CHD7: variants seen among roughly 807,000 people sequenced by gnomAD.
CHD7 encodes chromodomain helicase DNA binding protein 7, also known as ATP-dependent chromatin remodeler CHD7.
In CHD7, 24 loss-of-function variants were observed where a neutral mutation model predicts 307.3. That is an observed-to-expected ratio of 0.08 (90% CI 0.06 to 0.11). The LOEUF (loss-of-function observed/expected upper bound fraction) is 0.11. Ranked by LOEUF, CHD7 falls within the 10% of genes least tolerant of loss-of-function variation. CHD7 has a pLI of 1.00. For missense variants in CHD7, 3,106 were observed against 3,727.1 expected (o/e 0.83, Z 4.34); for synonymous variants, 1,363 against 1,349.9 (o/e 1.01, Z -0.21).
chr8:60,769,459 T>TTGAAG (rs1810613189), intron 2 of CHD7, among the ~76,000 whole-genome samples: 1 of 152,210 alleles, frequency 6.6e-6, no homozygotes, highest in Non-Finnish European at 1.5e-5. Flanking sequence ...TGTGTGCCTA[T>TTGAAG]TGAAGATACG....
chr8:60,793,548 C>T (rs114764537), intron 3 of CHD7, among the ~76,000 whole-genome samples: 1 of 152,112 alleles, frequency 6.6e-6, no homozygotes, highest in East Asian at 1.9e-4. Flanking sequence ...AAATATTTTA[C>T]ATGACATATG....
In CHD7 at chr8:60,837,764, G is replaced by T. The variant is rs774794325; in HGVS notation, c.4282G>T (p.Ala1428Ser). Residue 1428 changes from alanine to serine, a missense_variant, in exon 18 of 38, where the codon GCT (alanine) becomes TCT (serine). Ala to Ser is a moderately conservative substitution (Grantham distance 99, BLOSUM62 1). This residue lies in a region of CHD7 where 93 missense variants were observed against 176.4 expected (regional missense o/e 0.53). Transcript: ENST00000423902. ...CTATGAAAGGGAAATGTTCGACAAG[G>T]CTAGTTTGAAACTGGGCCTGGATAA... ...NSYEREMFDK[A>S]SLKLGLDKAV... is the part of the protein sequence containing the mutation. 6.2e-7 allele frequency: 1 copy of T among 1,613,574 alleles called. No individual in the cohort carries two copies. The highest frequency in any genetic ancestry group is 8.5e-7 in the Non-Finnish European group (1 of 1,179,702).
At chr8:60,823,406 G>T (rs910254298) in intron 12 of CHD7, among the ~76,000 whole-genome samples, 1 of 142,928 alleles carries the variant, frequency 7.0e-6, no homozygotes, top group African/African-American at 2.8e-5. Flanking sequence ...TAGATAGATA[G>T]ATAGATAGAT....
intron 1 of CHD7, among the ~76,000 whole-genome samples, chr8:60,695,999 C>G (rs572993408): frequency 6.6e-6 from 1 of 152,222 alleles, no homozygotes; most frequent in Admixed American, 6.5e-5. Context: ...AAAATCCAGT[C>G]AACTGTTATA....
At chr8:60,822,346 G>A (rs1201708178) in intron 11 of CHD7, among the ~76,000 whole-genome samples, 157 bp from the exon 12 acceptor site, 1 of 151,998 alleles carries the variant, frequency 6.6e-6, no homozygotes, top group African/African-American at 2.4e-5. Flanking sequence ...TTTATTCTTT[G>A]AGAATTTTGT....
chr8:60,684,556 C>T (rs1359165184), intron 1 of CHD7, among the ~76,000 whole-genome samples: 18 of 152,002 alleles, frequency 1.2e-4, no homozygotes, highest in Admixed American at 1.2e-3. Context: ...GGGTATTACC[C>T]CTTAGGAAGT....
intron 6 of CHD7, among the ~76,000 whole-genome samples, chr8:60,803,979 T>G (rs960027312): frequency 1.3e-5 from 2 of 152,154 alleles, no homozygotes; most frequent in Non-Finnish European, 2.9e-5. Flanking sequence ...CCCTGCATGG[T>G]GTTGACCCAG....
chr8:60,696,971 C>G (rs1806512558), intron 1 of CHD7, among the ~76,000 whole-genome samples: 1 of 151,254 alleles, frequency 6.6e-6, no homozygotes, highest in South Asian at 2.1e-4. Context: ...TTCCTGAAAT[C>G]AAGGAACATA....
In CHD7 at chr8:60,865,776, C is replaced by A; in HGVS notation, c.8837C>A (p.Pro2946His). 1.2e-6 allele frequency: 2 copies of A among 1,613,970 alleles called. No homozygotes were observed. Among genetic ancestry groups the A allele is most frequent in the Admixed American group, 3.3e-5 (2 of 60,018 alleles). The change falls in exon 38 of 38, where the codon CCC becomes CAC. Residue 2946 changes from proline (P) to histidine (H), a missense_variant. This residue lies in a region of CHD7 where 351 missense variants were observed against 366.2 expected (regional missense o/e 0.96). Coordinates refer to ENST00000423902, the MANE Select transcript of CHD7 (RefSeq NM_017780.4). The surrounding 1 kb of genome is among the most constrained non-coding windows in gnomAD (Gnocchi z 4.3). ...EKAADKAEGGPFKDGETLEGS... is the reference protein window; with the variant it reads ...EKAADKAEGGHFKDGETLEGS... ...GCTGCTGACAAGGCTGAGGGAGGAC[C>A]CTTTAAAGATGGAGAGACCCTTGAA...
At chr8:60,721,619 TAC>T (rs1807910939) in intron 1 of CHD7, among the ~76,000 whole-genome samples, 1 of 152,188 alleles carries the variant, frequency 6.6e-6, no homozygotes, top group South Asian at 2.1e-4. Flanking sequence ...TGCCAGGGCT[TAC>T]TCCAAGAATT....
intron 1 of CHD7, among the ~76,000 whole-genome samples, chr8:60,712,656 C>CCT (rs1341453390): frequency 6.6e-6 from 1 of 152,296 alleles, no homozygotes; most frequent in African/African-American, 2.4e-5. Flanking sequence ...GTGGCTCATG[C>CCT]CTGTAATGCC....
At chr8:60,764,963 A>G (rs964464843) in intron 2 of CHD7, among the ~76,000 whole-genome samples, 2 of 152,214 alleles carry the variant, frequency 1.3e-5, no homozygotes, top group African/African-American at 4.8e-5. Flanking sequence ...TAGTTCTACA[A>G]AAGGTTCAAG....
rs1475653682 is a variant in CHD7, at chr8:60,741,494, T to G, written c.62T>G (p.Leu21Arg). 6.2e-7 allele frequency: 1 copy of G among 1,612,616 alleles called. No individual in the cohort carries two copies. The part of the protein sequence containing the change: ...GEDGNIFSEG[L>R]EGLGECGYPE... ...GATGGGAATATTTTCAGTGAAGGTC[T>G]TGAAGGCCTCGGAGAATGTGGTTAC... is the stretch of plus-strand genomic sequence containing the variant. The change falls in exon 2 of 38, where the codon CTT becomes CGT. Residue 21 changes from leucine to arginine, a missense_variant. Leu to Arg is a moderately radical substitution (Grantham distance 102). Transcript: ENST00000423902.
At chr8:60,752,415 G>A (rs1197573572) in intron 2 of CHD7, among the ~76,000 whole-genome samples, 1 of 152,166 alleles carries the variant, frequency 6.6e-6, no homozygotes, top group Non-Finnish European at 1.5e-5. Context: ...TATTAGCATA[G>A]GAATTCCACT....
intron 16 of CHD7, 57 bp downstream of exon 16, chr8:60,836,340 G>A (rs569332819): frequency 1.7e-5 from 23 of 1,378,156 alleles, no homozygotes; most frequent in Admixed American, 8.9e-5. Context: ...CTTCCCAGGG[G>A]TCCAAGCAGT....
chr8:60,834,977 G>A (rs905570743), intron 15 of CHD7, among the ~76,000 whole-genome samples: 3 of 152,176 alleles, frequency 2.0e-5, no homozygotes, highest in Admixed American at 2.0e-4. Context: ...AAAACCAGTG[G>A]TAGGAAGGTA....
rs544519753 is a variant in CHD7, at chr8:60,817,804, C to G, written c.2613+1303C>G. Reference sequence around the variant, plus strand: ...TTAAATTTTTATGACATTGGATGAGCTGAAATCATTAGCCTCCTTTTAGAA... The same window carrying G: ...TTAAATTTTTATGACATTGGATGAGGTGAAATCATTAGCCTCCTTTTAGAA... On this transcript the variant is annotated intron_variant, in intron 8 of 37. Coordinates refer to ENST00000423902, the MANE Select transcript of CHD7 (RefSeq NM_017780.4). 4.6e-5 allele frequency among the ~76,000 whole-genome samples: 7 copies of G among 152,280 alleles called. No individual in the cohort carries two copies. In the South Asian group the frequency reaches 1.5e-3, roughly 32 times the overall value.
intron 35 of CHD7, chr8:60,861,591 G>A (rs939550026): frequency 2.5e-5 from 4 of 157,058 alleles, no homozygotes; most frequent in Non-Finnish European, 5.6e-5. Flanking sequence ...TAATCCTGGT[G>A]CCTTATATTA....
At chr8:60,784,419 C>A (rs1811397438) in intron 3 of CHD7, among the ~76,000 whole-genome samples, 1 of 152,218 alleles carries the variant, frequency 6.6e-6, no homozygotes. Context: ...CTTTACTCTG[C>A]AGCCCTGTAT....
Sources: allele counts gnomAD v4.1 joint callset (sites outside exome capture counted in the v4.1 genomes callset), GRCh38; gene constraint gnomAD v4.1.1; regional missense constraint gnomAD v4.1.1; non-coding constraint Gnocchi (gnomAD v3.1); transcripts MANE v1.5; gene names NCBI Gene and HGNC (gene_info 2026-07-23, HGNC 2026-07-21).